THOC1: variants seen among roughly 807,000 people sequenced by gnomAD.
THOC1 encodes THO complex subunit 1, also known as THO complex 1.
In THOC1, 29 loss-of-function variants were observed where a neutral mutation model predicts 97.3. That is an observed-to-expected ratio of 0.30 (90% CI 0.22 to 0.41). The LOEUF (loss-of-function observed/expected upper bound fraction) is 0.41. Ranked by LOEUF, THOC1 falls within the 10% of genes least tolerant of loss-of-function variation. The pLI, the probability that THOC1 is intolerant of heterozygous loss-of-function variation, is 1.00. For missense variants in THOC1, 529 were observed against 761.9 expected (o/e 0.69, Z 3.60); for synonymous variants, 255 against 257.0 (o/e 0.99, Z 0.07).
chr18:215,621 C>A (rs1910853428), intron 19 of THOC1, 117 bp from the exon 20 acceptor site: 3 of 724,898 alleles, frequency 4.1e-6, no homozygotes, highest in East Asian at 2.7e-5. Flanking sequence ...CAGAACCTCA[C>A]CCCTGAGAGC....
At chr18:245,421 A>G (rs1912056070) in intron 11 of THOC1, 1 of 152,202 alleles carries the variant, frequency 6.6e-6, no homozygotes, top group African/African-American at 2.4e-5. Flanking sequence ...CAGCTGTTTC[A>G]TAAGTATACT....
At chr18:240,824 T>A (rs907259041) in intron 11 of THOC1, among the ~76,000 whole-genome samples, 1 of 152,188 alleles carries the variant, frequency 6.6e-6, no homozygotes, top group African/African-American at 2.4e-5. Context: ...CAACTCACCA[T>A]AATGTAGAAT....
At chr18:236,369 T>TTTG (rs1408931361) in intron 11 of THOC1, among the ~76,000 whole-genome samples, 23 of 146,410 alleles carry the variant, frequency 1.6e-4, no homozygotes, top group Middle Eastern at 3.5e-3. Context: ...TTTTTTTTTT[T>TTTG]TTTTGAGACG....
At position 215,510 on chromosome 18, in the gene THOC1, A is replaced by C; in HGVS notation, c.1603-6T>G. 1 of 1,608,822 alleles carries C rather than the reference A, an allele frequency of 6.2e-7. No individual in the cohort carries two copies. The highest frequency in any genetic ancestry group is 8.5e-7 in the Non-Finnish European group (1 of 1,175,502). On this transcript the variant is annotated splice_polypyrimidine_tract_variant and splice_region_variant and intron_variant, in intron 19 of 20. Coordinates refer to ENST00000261600, the MANE Select transcript of THOC1 (RefSeq NM_005131.3). Reference sequence around the variant, plus strand: ...TTTATTTCTTCAGAAGGAGGCTAAAAATGAGAAAGAAGAATGTTTGAAAGA... The same window carrying C: ...TTTATTTCTTCAGAAGGAGGCTAAACATGAGAAAGAAGAATGTTTGAAAGA...
intron 18 of THOC1, among the ~76,000 whole-genome samples, 185 bp downstream of exon 18, chr18:218,701 G>C (rs900257136): frequency 9.2e-5 from 14 of 152,030 alleles, no homozygotes; most frequent in Non-Finnish European, 1.5e-5. Context: ...GTCATGCTTA[G>C]TTAACAGGAA....
Position 224,184 on chromosome 18 carries a change from C to G in THOC1, c.1209-5G>C, listed in dbSNP as rs631343. 0.66 allele frequency: 1,056,742 copies of G among 1,591,754 alleles called. 352,498 individuals are homozygous for G. The highest frequency in any genetic ancestry group is 0.76 in the South Asian group (67,578 of 88,704). On this transcript the variant is annotated splice_polypyrimidine_tract_variant and splice_region_variant and intron_variant, in intron 15 of 20. Transcript: ENST00000261600. ...GTAGGTTTGGTATCTGATGTTCTGTCGTGAACAAAACATACACTATTTTTT... is the reference window on the plus strand; with the variant it reads ...GTAGGTTTGGTATCTGATGTTCTGTGGTGAACAAAACATACACTATTTTTT...
rs115222569 is a variant in THOC1 at position 236,718 on chromosome 18, A to T, written c.918+9606T>A. Among the ~76,000 whole-genome samples, 1,162 of 152,238 alleles carry T rather than the reference A, an allele frequency of 7.6e-3. 11 individuals carry two copies. Among genetic ancestry groups the T allele is most frequent in the African/African-American group, 0.026 (1,088 of 41,538 alleles). ...TTAAAAGGAAACTGGTGCACCCGGA[A>T]GACAAATGTACCAATGGCAATTTGG... On this transcript the variant is annotated intron_variant, in intron 11 of 20. Coordinates refer to ENST00000261600, the MANE Select transcript of THOC1 (RefSeq NM_005131.3).
In THOC1 at chr18:214,809, T is replaced by C. The variant is rs778342772; in HGVS notation, c.1791A>G (p.Ser597=). ...ILAPYLEMKD[S]EIRQIECDSE... ...TGTCACACTCAATCTGCCTAATTTC[T>C]GAGTCTTTCATTTCCAAGTAGGGAG... The change falls in exon 21 of 21, where the codon TCA becomes TCG. Residue 597 remains serine (S), a synonymous_variant. Coordinates refer to ENST00000261600, the MANE Select transcript of THOC1 (RefSeq NM_005131.3). The C allele has an allele frequency of 6.2e-7, 1 of 1,613,882 alleles. No individual in the cohort carries two copies. The highest frequency in any genetic ancestry group is 8.5e-7 in the Non-Finnish European group (1 of 1,179,890).
chr18:250,322 C>T (rs1598302760), intron 9 of THOC1, among the ~76,000 whole-genome samples: 1 of 152,264 alleles, frequency 6.6e-6, no homozygotes, highest in African/African-American at 2.4e-5. Context: ...CATTACCTTC[C>T]TGTTCATTCT....
In THOC1 at chr18:216,629, C is replaced by T. The variant is rs1256645404; in HGVS notation, c.1459G>A (p.Val487Met). Residue 487 changes from valine (V) to methionine (M), a missense_variant, in exon 19 of 21, where the codon GTG (valine) becomes ATG (methionine). Around this residue, in one of 8 missense-constraint regions of THOC1, gnomAD observed 123 missense variants for 159.0 expected, o/e 0.77. Transcript: ENST00000261600. ...CTCCAACCATAATTTGAATTGTTCA[C>T]AGCCCTATAAAAAGAGGTGTCAGGC... is the stretch of plus-strand genomic sequence containing the variant. ...ENMVENEYKA[V>M]NNSNYGWRAL... The T allele has an allele frequency of 6.2e-7, 1 of 1,611,180 alleles. No individual in the cohort carries two copies. The highest frequency in any genetic ancestry group is 8.5e-7 in the Non-Finnish European group (1 of 1,179,084).
Position 216,517 on chromosome 18 carries a change from T to C in THOC1, c.1571A>G (p.Asn524Ser). Residue 524 changes from asparagine to serine, a missense_variant, in exon 19 of 21, where the codon AAT (asparagine) becomes AGT (serine). This residue lies in a region of THOC1 where 27 missense variants were observed against 80.6 expected (regional missense o/e 0.33). Transcript: ENST00000261600. ...QFKSLPEYLE[N>S]MVIKLAKELP... The stretch of plus-strand genomic sequence containing the variant: ...TTCCTTGGCTAGCTTTATTACCATA[T>C]TTTCAAGATATTCTGGTAAACTTTT... 1 of 1,613,950 alleles carries C rather than the reference T, an allele frequency of 6.2e-7. No homozygotes were observed. Among genetic ancestry groups the C allele is most frequent in the Non-Finnish European group, 8.5e-7 (1 of 1,179,872 alleles).
intron 4 of THOC1, 124 bp downstream of exon 4, chr18:263,902 G>A (rs986004270): frequency 1.4e-6 from 1 of 706,100 alleles, no homozygotes; most frequent in African/African-American, 1.8e-5. Context: ...AAAGTTGGGA[G>A]TCAGGCAGAA....
At chr18:236,237 GTTCTT>G (rs1224176575) in intron 11 of THOC1, among the ~76,000 whole-genome samples, 1 of 149,168 alleles carries the variant, frequency 6.7e-6, no homozygotes, top group Admixed American at 6.7e-5. Flanking sequence ...TAAATTTTGT[GTTCTT>G]TTATTTTCCA....
rs1358281761 is a variant in THOC1 at position 242,102 on chromosome 18, T to G, written c.918+4222A>C. ...TTCTTTAAGAAGGAAGACACAATAA[T>G]TTACAAAGACACCCATTTTATTTGT... On this transcript the variant is annotated intron_variant, in intron 11 of 20. Transcript: ENST00000261600. This position sits in a 1 kb window ranked among gnomAD's most constrained non-coding sequence, Gnocchi z 4.5. Among the ~76,000 whole-genome samples, 2 of 152,222 alleles carry G rather than the reference T, an allele frequency of 1.3e-5. No homozygotes were observed. Among genetic ancestry groups the G allele is most frequent in the East Asian group, 3.8e-4 (2 of 5,204 alleles).
intron 9 of THOC1, among the ~76,000 whole-genome samples, chr18:249,401 T>G (rs2143262470): frequency 6.6e-6 from 1 of 152,230 alleles, no homozygotes. Context: ...GCACGGTGGC[T>G]CACACCTGTA....
intron 11 of THOC1, among the ~76,000 whole-genome samples, chr18:237,586 C>T (rs1367834417): frequency 6.6e-6 from 1 of 151,756 alleles, no homozygotes; most frequent in South Asian, 2.1e-4. Flanking sequence ...TTTGAATATA[C>T]CCATTTTCTC....
At chr18:227,295 C>T (rs1911324436) in intron 11 of THOC1, among the ~76,000 whole-genome samples, 1 of 151,946 alleles carries the variant, frequency 6.6e-6, no homozygotes, top group Admixed American at 6.6e-5. Flanking sequence ...GTCTGAGCAA[C>T]ATAGCAAGAC....
Position 240,436 on chromosome 18 carries a change from T to C in THOC1, c.918+5888A>G, listed in dbSNP as rs142045506. On this transcript the variant is annotated intron_variant, in intron 11 of 20. Transcript: ENST00000261600. ...AGTTTTGTAATATGCTCAATGATATTTAAAGAACTGTTCTATCTGTCAGGA... is the reference window on the plus strand; with the variant it reads ...AGTTTTGTAATATGCTCAATGATATCTAAAGAACTGTTCTATCTGTCAGGA... Among the ~76,000 whole-genome samples the C allele has an allele frequency of 4.5e-3, 690 of 152,326 alleles. 6 individuals are homozygous for C. The highest frequency in any genetic ancestry group is 7.6e-3 in the Non-Finnish European group (516 of 68,026).
intron 9 of THOC1, among the ~76,000 whole-genome samples, chr18:250,553 G>T (rs1302110395): frequency 6.6e-6 from 1 of 152,156 alleles, no homozygotes; most frequent in African/African-American, 2.4e-5. Context: ...TATTTTACAG[G>T]ATGTTATACA....
Sources: allele counts gnomAD v4.1 joint callset (sites outside exome capture counted in the v4.1 genomes callset), GRCh38; gene constraint gnomAD v4.1.1; regional missense constraint gnomAD v4.1.1; non-coding constraint Gnocchi (gnomAD v3.1); transcripts MANE v1.5; gene names NCBI Gene and HGNC (gene_info 2026-07-23, HGNC 2026-07-21).